The following OCA2 variants were observed in gnomAD, a reference collection of about 807,000 sequenced individuals.
OCA2 encodes the protein OCA2 melanosomal transmembrane protein.
OCA2 carries 77 observed loss-of-function variants against 100.2 expected under a neutral mutation model. The ratio of observed to expected loss-of-function variants is 0.77; its 90% confidence interval spans 0.64 to 0.93. OCA2 has a LOEUF of 0.93. Among genes scored for constraint, OCA2 ranks in the 40% least tolerant of loss-of-function variants. OCA2 has a pLI of 0.00. For synonymous variants in OCA2, 432 were observed against 439.2 expected, an observed-to-expected ratio of 0.98 and a Z score of 0.21; for missense variants, 1,062 against 1,089.1, an observed-to-expected ratio of 0.98 and a Z score of 0.35.
chr15:27,988,015 G>A (rs1595770787), intron 11 of OCA2, among the ~76,000 whole-genome samples: 2 of 152,114 alleles, frequency 1.3e-5, no homozygotes, highest in African/African-American at 2.4e-5. Flanking sequence ...GAGAGCTGAC[G>A]GTGGAGCGTG....
At chr15:27,823,165 C>A (rs575898729) in intron 23 of OCA2, among the ~76,000 whole-genome samples, 1 of 152,178 alleles carries the variant, frequency 6.6e-6, no homozygotes, top group East Asian at 1.9e-4. Context: ...GAGCCTTATA[C>A]GTTTGAGCCT....
chr15:27,747,490 G>A, the OCA2 span, among the ~76,000 whole-genome samples: 2 of 152,176 alleles, frequency 1.3e-5, no homozygotes, highest in Admixed American at 1.3e-4. Context: ...TAGATGTTGG[G>A]GAGCCAGTGT....
chr15:27,826,982 G>T (rs1000953469), intron 23 of OCA2, among the ~76,000 whole-genome samples: 2 of 152,228 alleles, frequency 1.3e-5, no homozygotes, highest in South Asian at 2.1e-4. Context: ...CCTCCGCATG[G>T]TCTCCCGGCA....
intron 21 of OCA2, 98 bp downstream of exon 21, chr15:27,871,056 G>T: frequency 1.1e-6 from 1 of 896,858 alleles, no homozygotes; most frequent in Non-Finnish European, 1.9e-6. Context: ...TGCAGCAGAG[G>T]GGCAGGCTTC....
At chr15:28,083,887 C>T (rs2044725935) in intron 1 of OCA2, among the ~76,000 whole-genome samples, 1 of 152,176 alleles carries the variant, frequency 6.6e-6, no homozygotes, top group Admixed American at 6.5e-5. Context: ...ATTGACAATT[C>T]CAGGGCGCCA....
chr15:28,019,691 C>G (rs895653021), intron 6 of OCA2, among the ~76,000 whole-genome samples: 8 of 152,138 alleles, frequency 5.3e-5, no homozygotes, highest in East Asian at 3.9e-4. Context: ...GAGGAGGCCT[C>G]GAGCTCCTTG....
At chr15:27,979,686 A>G (rs1018841741) in intron 14 of OCA2, among the ~76,000 whole-genome samples, 1 of 150,864 alleles carries the variant, frequency 6.6e-6, no homozygotes, top group Non-Finnish European at 1.5e-5. Flanking sequence ...ACTATAAAAA[A>G]TCTTACATTA....
chr15:27,915,418 C>T (rs12439410), intron 19 of OCA2, among the ~76,000 whole-genome samples: 29,011 of 151,920 alleles, frequency 0.19, 4,031 homozygotes, highest in East Asian at 0.62. Flanking sequence ...CCTCAGTAAA[C>T]GGACAACCAA....
chr15:27,920,237 A>G (rs1442019557), intron 19 of OCA2, among the ~76,000 whole-genome samples: 1 of 152,180 alleles, frequency 6.6e-6, no homozygotes, highest in African/African-American at 2.4e-5. Context: ...TTAGATTAAA[A>G]GACCCAAATA....
chr15:28,057,481 C>T (rs949447626), intron 2 of OCA2, among the ~76,000 whole-genome samples: 10 of 152,110 alleles, frequency 6.6e-5, no homozygotes, highest in African/African-American at 2.2e-4. Flanking sequence ...ACCAGTGAAT[C>T]CCTTGGCCTG....
intron 23 of OCA2, among the ~76,000 whole-genome samples, chr15:27,815,264 C>T (rs914125379): frequency 2.0e-5 from 3 of 152,194 alleles, no homozygotes; most frequent in Non-Finnish European, 4.4e-5. Flanking sequence ...CCCCGCTGTT[C>T]GTGTTGCACA....
At chr15:27,862,332 G>A (rs895814415) in intron 21 of OCA2, among the ~76,000 whole-genome samples, 2 of 152,208 alleles carry the variant, frequency 1.3e-5, no homozygotes, top group Non-Finnish European at 2.9e-5. Flanking sequence ...CGGACAGAAA[G>A]CATGGTCATC....
intron 21 of OCA2, among the ~76,000 whole-genome samples, chr15:27,870,667 GGAAGGAAGGAAGGAAA>G (rs11267718): frequency 0.67 from 88,416 of 132,170 alleles, 30,308 homozygotes; most frequent in East Asian, 0.95. Flanking sequence ...ATTTTCGAAA[GGAAGGAAGGAAGGAAA>G]GAAGGAAGGA....
intron 19 of OCA2, among the ~76,000 whole-genome samples, chr15:27,910,222 T>A (rs927918478): frequency 6.6e-6 from 1 of 152,092 alleles, no homozygotes; most frequent in Non-Finnish European, 1.5e-5. Context: ...ACTAGGAAAA[T>A]GGCCACACTC....
intron 6 of OCA2, among the ~76,000 whole-genome samples, 199 bp downstream of exon 6, chr15:28,022,302 C>A (rs1326284452): frequency 1.3e-5 from 2 of 152,224 alleles, no homozygotes; most frequent in Non-Finnish European, 2.9e-5. Context: ...CCACCACCAA[C>A]CCCGCCACTG....
intron 23 of OCA2, among the ~76,000 whole-genome samples, chr15:27,769,283 A>C (rs2031529770): frequency 2.0e-5 from 3 of 152,216 alleles, no homozygotes. Flanking sequence ...CGTCAGATGG[A>C]CGCCCACACA....
chr15:27,882,060 C>G (rs1281554030), intron 19 of OCA2, among the ~76,000 whole-genome samples: 9 of 151,946 alleles, frequency 5.9e-5, no homozygotes, highest in Admixed American at 5.9e-4. Flanking sequence ...CAGAGGTTTT[C>G]TTTGTTCTCT....
intron 2 of OCA2, among the ~76,000 whole-genome samples, chr15:28,062,526 C>T (rs1239625283): frequency 1.3e-5 from 2 of 152,170 alleles, no homozygotes; most frequent in Non-Finnish European, 2.9e-5. Context: ...CTTTCCACTT[C>T]TTGACAGTGT....
intron 2 of OCA2, among the ~76,000 whole-genome samples, chr15:28,070,103 G>A: frequency 8.7e-6 from 1 of 114,412 alleles, no homozygotes; most frequent in South Asian, 3.1e-4. Flanking sequence ...GACCCCGTCT[G>A]GGAGGTGAGG....
Sources: gnomAD v4.1 joint callset for allele counts (sites outside exome capture counted in the v4.1 genomes callset) on GRCh38, gnomAD v4.1.1 for gene constraint, MANE v1.5 for transcripts, NCBI Gene and HGNC (gene_info 2026-07-23, HGNC 2026-07-21) for gene names.